SAMMSON: variants seen among roughly 807,000 people sequenced by gnomAD.
SAMMSON encodes survival associated mitochondrial melanoma specific oncogenic non-coding RNA.
At chr3:70,132,341 A>G (rs540692680) in intron 4 of SAMMSON, among the ~76,000 whole-genome samples, 1 of 152,234 alleles carries the variant, frequency 6.6e-6, no homozygotes, top group South Asian at 2.1e-4. Flanking sequence ...TTGGCTGTAT[A>G]GGCCCTAATT....
chr3:70,171,492 T>A (rs555134769), intron 4 of SAMMSON, among the ~76,000 whole-genome samples: 20 of 151,888 alleles, frequency 1.3e-4, no homozygotes, highest in African/African-American at 4.6e-4. Context: ...ATGCTATAAA[T>A]AAAAATACAT....
chr3:70,228,679 A>G (rs955508554), intron 4 of SAMMSON, among the ~76,000 whole-genome samples: 1 of 151,868 alleles, frequency 6.6e-6, no homozygotes, highest in African/African-American at 2.4e-5. Flanking sequence ...ATTGAAAACA[A>G]AATAACAGTT....
chr3:70,396,328 C>A (rs148562254), intron 2 of SAMMSON, among the ~76,000 whole-genome samples: 1 of 152,270 alleles, frequency 6.6e-6, no homozygotes, highest in African/African-American at 2.4e-5. Context: ...CAATGATTTT[C>A]AAATATCATT....
chr3:70,069,565 C>T (rs1467026250), intron 3 of SAMMSON: 3 of 152,134 alleles, frequency 2.0e-5, no homozygotes, highest in African/African-American at 7.2e-5. Context: ...TTAGATCACA[C>T]AGTTAACAAG....
chr3:70,189,641 T>G (rs1329512941), intron 4 of SAMMSON, among the ~76,000 whole-genome samples: 1 of 152,218 alleles, frequency 6.6e-6, no homozygotes, highest in Non-Finnish European at 1.5e-5. Flanking sequence ...TGGAAGATAC[T>G]TATTCTCGCC....
intron 7 of SAMMSON, chr3:70,302,532 A>T (rs568322365): frequency 6.6e-6 from 1 of 152,294 alleles, no homozygotes; most frequent in South Asian, 2.1e-4. Flanking sequence ...CTTGTAGGAA[A>T]ATGAATGATT....
At chr3:70,170,653 A>G (rs966925406) in intron 4 of SAMMSON, among the ~76,000 whole-genome samples, 4 of 147,158 alleles carry the variant, frequency 2.7e-5, no homozygotes, top group African/African-American at 1.0e-4. Flanking sequence ...CTGGCTAAAC[A>G]GAGGTGAAAA....
At chr3:70,366,492 G>GTTTTTTTTTTTTTTTTTTTTTTTT in intron 9 of SAMMSON, among the ~76,000 whole-genome samples, 3 of 100,758 alleles carry the variant, frequency 3.0e-5, no homozygotes, top group African/African-American at 7.2e-5. Context: ...GTGTTTTTAT[G>GTTTTTTTTTTTTTTTTTTTTTTTT]TTTTTTTTTT....
chr3:70,126,910 TC>T (rs1236477685), intron 4 of SAMMSON: 4 of 154,388 alleles, frequency 2.6e-5, no homozygotes, highest in African/African-American at 7.2e-5. Context: ...AGACGGGGTT[TC>T]ACCATGTTGG....
intron 9 of SAMMSON, among the ~76,000 whole-genome samples, chr3:70,367,707 G>T (rs368667401): frequency 6.6e-6 from 1 of 151,458 alleles, no homozygotes; most frequent in African/African-American, 2.4e-5. Flanking sequence ...ATATTTCTTT[G>T]ACTTACTGAT....
At chr3:70,125,466 G>A (rs1333289454) in intron 4 of SAMMSON, 2 of 797,544 alleles carry the variant, frequency 2.5e-6, no homozygotes, top group East Asian at 5.3e-5. Flanking sequence ...CATTCCGATG[G>A]CATTTCATCA....
intron 4 of SAMMSON, among the ~76,000 whole-genome samples, chr3:70,185,734 T>C (rs1701086745): frequency 6.7e-6 from 1 of 148,662 alleles, no homozygotes. Context: ...TAGTGGCACA[T>C]GCCTGTAGTT....
intron 4 of SAMMSON, among the ~76,000 whole-genome samples, chr3:70,161,181 AATTG>A (rs1301331571): frequency 6.6e-6 from 1 of 151,920 alleles, no homozygotes; most frequent in Non-Finnish European, 1.5e-5. Context: ...CTTCCTATCT[AATTG>A]CACTGGCTTA....
At position 70,350,208 on chromosome 3, in the gene SAMMSON, T is replaced by C. The variant is rs372009712; in HGVS notation, n.740-3967T>C. ...AAAAGTGTTCCTCAAAGTTATTAAT[T>C]GAAAATAATCTGTTTACTTGCTCTA... On this transcript the variant is annotated intron_variant and non_coding_transcript_variant, in intron 7 of 9. Coordinates refer to ENST00000642114, the Ensembl canonical transcript of SAMMSON. 1.7e-4 allele frequency among the ~76,000 whole-genome samples: 26 copies of C among 152,290 alleles called. No homozygotes were observed. In the East Asian group the frequency reaches 4.4e-3, roughly 26 times the overall value.
chr3:70,383,381 A>G (rs1703090531), intron 9 of SAMMSON, among the ~76,000 whole-genome samples: 1 of 150,600 alleles, frequency 6.6e-6, no homozygotes, highest in Non-Finnish European at 1.5e-5. Flanking sequence ...TCCTCCTTTT[A>G]GCTAACAGGT....
At position 70,385,256 on chromosome 3, in the gene SAMMSON, T is replaced by TATGATAACTAACA. The variant is rs1289305181; in HGVS notation, n.914-4318_914-4317insATGATAACTAACA. 3.9e-5 allele frequency among the ~76,000 whole-genome samples: 6 copies of TATGATAACTAACA among 152,154 alleles called. No homozygotes were observed. The East Asian group carries it at 1.2e-3, about 29-fold the overall frequency. On this transcript the variant is annotated intron_variant and non_coding_transcript_variant, in intron 9 of 9. Transcript: ENST00000642114. The stretch of plus-strand genomic sequence containing the variant: ...TTTCGTGAAGATTAACAGAGAAAAA[T>TATGATAACTAACA]GTTCTTATGATAACTAACAGTAGGT...
At chr3:70,125,428 G>A (rs866220558) in intron 4 of SAMMSON, 2 of 1,094,818 alleles carry the variant, frequency 1.8e-6, no homozygotes, top group Middle Eastern at 5.0e-4. Context: ...TAGAAATTCT[G>A]TCCTTTTCCA....
At chr3:70,006,695 A>T (rs1031384800) in intron 1 of SAMMSON, among the ~76,000 whole-genome samples, 2 of 151,876 alleles carry the variant, frequency 1.3e-5, no homozygotes, top group African/African-American at 4.8e-5. Context: ...TTTAGGGTAC[A>T]TGTGCACAAC....
intron 2 of SAMMSON, chr3:70,425,078 C>G (rs1479712199): frequency 2.6e-5 from 4 of 152,236 alleles, no homozygotes; most frequent in Non-Finnish European, 5.9e-5. Context: ...GAAGAAGGAA[C>G]ATTTATAGGA....
Sources: allele counts gnomAD v4.1 joint callset (sites outside exome capture counted in the v4.1 genomes callset), GRCh38; gene constraint gnomAD v4.1.1; transcripts MANE v1.5; gene names NCBI Gene and HGNC (gene_info 2026-07-23, HGNC 2026-07-21).